B4GALT5: variants seen among roughly 807,000 people sequenced by gnomAD.
B4GALT5 encodes the protein UDP-Gal:beta-GlcNAc beta-1,4-galactosyltransferase 5.
B4GALT5 carries 11 observed loss-of-function variants against 45.0 expected under a neutral mutation model. The ratio of observed to expected loss-of-function variants is 0.24; its 90% CI spans 0.15 to 0.40. B4GALT5 has a LOEUF of 0.40. Ranked by LOEUF, B4GALT5 falls within the 10% of genes least tolerant of loss-of-function variation. The pLI, the probability that B4GALT5 is intolerant of heterozygous loss-of-function variation, is 1.00. For missense variants in B4GALT5, 337 were observed against 500.2 expected (o/e 0.67, Z 3.11); for synonymous variants, 185 against 182.9 (o/e 1.01, Z -0.09).
intron 1 of B4GALT5, among the ~76,000 whole-genome samples, 163 bp from the exon 2 acceptor site, chr20:49,656,865 G>T (rs748781616): frequency 4.6e-5 from 7 of 151,552 alleles, no homozygotes; most frequent in Non-Finnish European, 7.4e-5. Flanking sequence ...TACCTTTCAG[G>T]ACACCAACAT....
chr20:49,677,449 A>G (rs1051251771), intron 1 of B4GALT5, among the ~76,000 whole-genome samples: 6 of 152,170 alleles, frequency 3.9e-5, no homozygotes, highest in African/African-American at 1.4e-4. Flanking sequence ...AAGGCTTACT[A>G]TTTTTATCCC....
chr20:49,694,310 T>G (rs2085828653), intron 1 of B4GALT5, among the ~76,000 whole-genome samples: 1 of 152,062 alleles, frequency 6.6e-6, no homozygotes, highest in African/African-American at 2.4e-5. Context: ...AACTATAACT[T>G]TTGAAAGTTA....
At chr20:49,646,036 A>T (rs564036533) in intron 3 of B4GALT5, among the ~76,000 whole-genome samples, 7 of 152,130 alleles carry the variant, frequency 4.6e-5, no homozygotes, top group African/African-American at 1.7e-4. Flanking sequence ...AAGTAATAAT[A>T]ATAATTTTAA....
intron 1 of B4GALT5, among the ~76,000 whole-genome samples, chr20:49,697,723 G>A (rs1027163992): frequency 2.0e-5 from 3 of 152,134 alleles, no homozygotes; most frequent in African/African-American, 7.2e-5. Context: ...ATTCTGTTTA[G>A]AGGAAGGGGG....
chr20:49,675,480 A>G lies in B4GALT5; in HGVS notation c.116-18778T>C, dbSNP rs74678122. Reference sequence around the variant, plus strand: ...GTACCTCCTAGTTCACTCAGAGGCCAATTAACATTTCCCACCACGCCCAAC... The same window carrying G: ...GTACCTCCTAGTTCACTCAGAGGCCGATTAACATTTCCCACCACGCCCAAC... On this transcript the variant is annotated intron_variant, in intron 1 of 8. Coordinates refer to ENST00000371711, the MANE Select transcript of B4GALT5 (RefSeq NM_004776.4). Among the ~76,000 whole-genome samples, 777 of 152,306 alleles carry G rather than the reference A, an allele frequency of 5.1e-3. 7 individuals carry two copies. Among genetic ancestry groups the G allele is most frequent in the African/African-American group, 0.017 (722 of 41,564 alleles).
At chr20:49,654,760 T>A (rs939547408) in intron 2 of B4GALT5, among the ~76,000 whole-genome samples, 1 of 151,710 alleles carries the variant, frequency 6.6e-6, no homozygotes, top group Admixed American at 6.6e-5. Context: ...AGAGGGAGAA[T>A]TTTTTTTTAA....
rs533784384 is a variant in B4GALT5 at position 49,675,639 on chromosome 20, C to T, written c.116-18937G>A. 3.3e-5 allele frequency among the ~76,000 whole-genome samples: 5 copies of T among 152,260 alleles called. No individual in the cohort carries two copies. In the East Asian group the frequency reaches 7.7e-4, roughly 24 times the overall value. On this transcript the variant is annotated intron_variant, in intron 1 of 8. Transcript: ENST00000371711. ...AAGGAAACACCTGAACTACAACTAC[C>T]CAAGCAAATATCATATCTTTGTAGG... is the stretch of plus-strand genomic sequence containing the variant.
At chr20:49,664,031 T>A (rs1321022990) in intron 1 of B4GALT5, among the ~76,000 whole-genome samples, 1 of 152,056 alleles carries the variant, frequency 6.6e-6, no homozygotes, top group Non-Finnish European at 1.5e-5. Context: ...TACATGTTGA[T>A]CACAACTGAC....
chr20:49,645,505 T>C (rs1291256087), intron 3 of B4GALT5, among the ~76,000 whole-genome samples: 1 of 152,092 alleles, frequency 6.6e-6, no homozygotes, highest in Non-Finnish European at 1.5e-5. Context: ...TCCTAGCACT[T>C]TGAGAGGCTG....
intron 7 of B4GALT5, among the ~76,000 whole-genome samples, chr20:49,637,901 T>A (rs1036923335): frequency 1.3e-5 from 2 of 152,112 alleles, no homozygotes; most frequent in Non-Finnish European, 2.9e-5. Flanking sequence ...TTGCACCAGC[T>A]TGGGTAACAG....
chr20:49,639,094 C>T (rs554426609), intron 7 of B4GALT5, among the ~76,000 whole-genome samples: 108 of 152,154 alleles, frequency 7.1e-4, no homozygotes, highest in African/African-American at 2.4e-3. Flanking sequence ...TCACTTGCCA[C>T]TTTTTAAACA....
At chr20:49,694,279 C>T (rs534313216) in intron 1 of B4GALT5, among the ~76,000 whole-genome samples, 5 of 152,116 alleles carry the variant, frequency 3.3e-5, no homozygotes, top group African/African-American at 4.8e-5. Flanking sequence ...CACCGATTTG[C>T]GCATCTATTT....
chr20:49,664,341 C>G (rs1041355486), intron 1 of B4GALT5, among the ~76,000 whole-genome samples: 1 of 151,730 alleles, frequency 6.6e-6, no homozygotes, highest in Non-Finnish European at 1.5e-5. Flanking sequence ...AACTCAGCCT[C>G]AGGAGGAGCT....
chr20:49,639,376 G>A (rs1320117736), intron 7 of B4GALT5, among the ~76,000 whole-genome samples: 1 of 152,022 alleles, frequency 6.6e-6, no homozygotes, highest in Non-Finnish European at 1.5e-5. Context: ...GTGTGTGTGT[G>A]TGTGTATTTT....
intron 2 of B4GALT5, among the ~76,000 whole-genome samples, chr20:49,655,259 C>T (rs1377448089): frequency 4.6e-5 from 7 of 151,820 alleles, no homozygotes; most frequent in Non-Finnish European, 8.8e-5. Context: ...GGCGAAACCC[C>T]GTCTCTACTA....
chr20:49,693,515 A>AACAAC (rs1056050534), intron 1 of B4GALT5, among the ~76,000 whole-genome samples: 2 of 152,152 alleles, frequency 1.3e-5, no homozygotes, highest in Admixed American at 1.3e-4. Context: ...CCTTGTCCTA[A>AACAAC]ACAACACAAC....
intron 3 of B4GALT5, among the ~76,000 whole-genome samples, chr20:49,646,504 C>T (rs932986027): frequency 6.6e-6 from 1 of 152,090 alleles, no homozygotes; most frequent in Non-Finnish European, 1.5e-5. Context: ...CTGTATAGTA[C>T]CATGCTGCAC....
chr20:49,709,102 A>C (rs980507123), intron 1 of B4GALT5, among the ~76,000 whole-genome samples: 5 of 152,176 alleles, frequency 3.3e-5, no homozygotes, highest in Non-Finnish European at 7.4e-5. Flanking sequence ...TCAGCACCTC[A>C]TATGTATATT....
chr20:49,693,601 T>C (rs1346096869), intron 1 of B4GALT5, among the ~76,000 whole-genome samples: 1 of 152,248 alleles, frequency 6.6e-6, no homozygotes, highest in African/African-American at 2.4e-5. Flanking sequence ...ATCTGATTTC[T>C]AGGAGTCTAG....
Sources: allele counts gnomAD v4.1 joint callset (sites outside exome capture counted in the v4.1 genomes callset), GRCh38; gene constraint gnomAD v4.1.1; transcripts MANE v1.5; gene names NCBI Gene and HGNC (gene_info 2026-07-23, HGNC 2026-07-21).